RANBP1: variants seen among roughly 807,000 people sequenced by gnomAD.
The protein encoded by RANBP1 is RAN binding protein 1.
Under a neutral mutation model 31.4 loss-of-function variants are expected in RANBP1, and 16 were observed. The observed-to-expected ratio is 0.51, with a 90% CI of 0.34 to 0.77. RANBP1 has a LOEUF of 0.77. Ranked by LOEUF, RANBP1 falls within the 30% of genes least tolerant of loss-of-function variation. The probability of loss-of-function intolerance (pLI) is 0.01; values close to 1 mark genes in which losing one functional copy is unlikely to be tolerated. For synonymous variants in RANBP1, 129 were observed against 140.5 expected (o/e 0.92, Z 0.58); for missense variants, 265 against 362.0 (o/e 0.73, Z 2.17).
At position 20,116,111 on chromosome 22, in the gene RANBP1, A is replaced by G. The variant is rs1234229598; in HGVS notation, c.-74A>G. ...AGCTGCTCAGCATAGGGCACTGTCC[A>G]TAGAGGGGTCACCACGTCGGCCACT... On this transcript the variant is annotated 5_prime_UTR_variant, in exon 1 of 6. Coordinates refer to ENST00000430524, the MANE Select transcript of RANBP1 (RefSeq NM_001278639.2). 3 of 1,612,094 alleles carry G rather than the reference A, an allele frequency of 1.9e-6. No homozygotes were observed. Among genetic ancestry groups the G allele is most frequent in the African/African-American group, 1.3e-5 (1 of 75,056 alleles).
intron 2 of RANBP1, among the ~76,000 whole-genome samples, chr22:20,119,795 G>A (rs541009395): frequency 6.6e-6 from 1 of 152,300 alleles, no homozygotes; most frequent in Admixed American, 6.5e-5. Context: ...GATTACAGGC[G>A]TCAGCTACCG....
intron 1 of RANBP1, chr22:20,117,516 G>C (rs2050063377): frequency 3.8e-6 from 5 of 1,325,370 alleles, no homozygotes; most frequent in Non-Finnish European, 4.8e-6. Context: ...TTCGGGTCGT[G>C]GGGCGGAGGG....
At chr22:20,122,673 G>T (rs142893666) in intron 3 of RANBP1, 2 of 1,457,868 alleles carry the variant, frequency 1.4e-6, no homozygotes, top group Non-Finnish European at 1.8e-6. Flanking sequence ...AGGACGCAGC[G>T]CCCAGGCTGG....
At chr22:20,119,233 T>C in intron 2 of RANBP1, 84 bp downstream of exon 2, 2 of 1,339,338 alleles carry the variant, frequency 1.5e-6, no homozygotes, top group Non-Finnish European at 2.1e-6. Context: ...GGCCTGACTT[T>C]TAATCAGACT....
chr22:20,122,762 T>TGTGTGTGTGG (rs1568982577), intron 3 of RANBP1: 3 of 644,248 alleles, frequency 4.7e-6, no homozygotes, highest in South Asian at 9.5e-5. Flanking sequence ...TGTGTGTGTG[T>TGTGTGTGTGG]GGTGTCTGGG....
At chr22:20,119,242 C>G (rs1254810481) in intron 2 of RANBP1, 93 bp downstream of exon 2, 1 of 1,246,878 alleles carries the variant, frequency 8.0e-7, no homozygotes, top group South Asian at 1.4e-5. Context: ...TTTAATCAGA[C>G]TGAGGCTGCT....
intron 1 of RANBP1, chr22:20,117,737 C>T (rs1228012763): frequency 3.4e-5 from 37 of 1,088,090 alleles, no homozygotes; most frequent in African/African-American, 8.4e-5. Context: ...ACGTGGGCGG[C>T]CCGCGCCGCC....
At chr22:20,118,657 G>C (rs2050105853) in intron 1 of RANBP1, among the ~76,000 whole-genome samples, 1 of 152,222 alleles carries the variant, frequency 6.6e-6, no homozygotes, top group South Asian at 2.1e-4. Context: ...TTTTATGGAT[G>C]AGGAAGAAAC....
intron 5 of RANBP1, 157 bp downstream of exon 5, chr22:20,126,525 G>A (rs1338868970): frequency 1.3e-6 from 2 of 1,582,666 alleles, no homozygotes; most frequent in South Asian, 2.3e-5. Context: ...GGGGACACAG[G>A]TGCTTCCTGG....
At chr22:20,117,221 C>A (rs1370964051) in intron 1 of RANBP1, 2 of 537,864 alleles carry the variant, frequency 3.7e-6, no homozygotes, top group East Asian at 7.3e-5. Flanking sequence ...GGCCGAGCGT[C>A]TCTATGATCC....
At chr22:20,117,572 G>A in intron 1 of RANBP1, 1 of 1,410,322 alleles carries the variant, frequency 7.1e-7, no homozygotes, top group Non-Finnish European at 9.2e-7. Context: ...CGGAGGGAAG[G>A]AGCTACGAGT....
Position 20,126,388 on chromosome 22 carries a change from T to A in RANBP1, c.736+20T>A. On this transcript the variant is annotated intron_variant, in intron 5 of 5. Coordinates refer to ENST00000430524, the MANE Select transcript of RANBP1 (RefSeq NM_001278639.2). Reference sequence around the variant, plus strand: ...AGAAAGGTGACGTGGTGCCATGGGTTGGGGGGCTTCTTTGCAGACTCACTC... The same window carrying A: ...AGAAAGGTGACGTGGTGCCATGGGTAGGGGGGCTTCTTTGCAGACTCACTC... 1 of 1,613,868 alleles carries A rather than the reference T, an allele frequency of 6.2e-7. No individual in the cohort carries two copies. The highest frequency in any genetic ancestry group is 1.3e-5 in the African/African-American group (1 of 75,022).
At chr22:20,117,849 G>T (rs756201278) in intron 1 of RANBP1, 389 of 1,019,810 alleles carry the variant, frequency 3.8e-4, no homozygotes, top group Non-Finnish European at 4.4e-4. Context: ...TGCGGAGTTG[G>T]GGCGTTTGGG....
At position 20,125,494 on chromosome 22, in the gene RANBP1, G is replaced by T. The variant is rs889868499; in HGVS notation, c.670+58G>T. On this transcript the variant is annotated intron_variant, in intron 4 of 5. Transcript: ENST00000430524. ...TGGGGCTCACCTGCGTGGCAGCGTG[G>T]CGGGTTATGTGCAACAAATGCTGTT... 1.9e-6 allele frequency: 3 copies of T among 1,556,390 alleles called. No homozygotes were observed. In the Admixed American group the frequency reaches 5.8e-5, roughly 30 times the overall value.
chr22:20,123,089 T>C (rs1389744908), intron 3 of RANBP1, among the ~76,000 whole-genome samples: 1 of 92,566 alleles, frequency 1.1e-5, no homozygotes, highest in Non-Finnish European at 2.1e-5. Context: ...GTTTGGGGTG[T>C]GTATGTGGTG....
chr22:20,122,355 G>A lies in RANBP1; in HGVS notation c.475G>A (p.Glu159Lys). ...TGACGTCAAGCTCCTGAAGCACAAG[G>A]AGAAAGGGGCCATCCGCCTCCTCAT... ...TGDVKLLKHK[E>K]KGAIRLLMRR... Residue 159 changes from glutamate (E) to lysine (K), a missense_variant, in exon 3 of 6, where the codon GAG (glutamate) becomes AAG (lysine). Transcript: ENST00000430524. 1 of 1,613,188 alleles carries A rather than the reference G, an allele frequency of 6.2e-7. No individual in the cohort carries two copies. The highest frequency in any genetic ancestry group is 8.5e-7 in the Non-Finnish European group (1 of 1,179,994).
At chr22:20,122,803 TGGG>T (rs1429265064) in intron 3 of RANBP1, 41 of 2,468 alleles carry the variant, frequency 0.017, 1 homozygote, top group Non-Finnish European at 0.024. Flanking sequence ...GGGGGGTTAA[TGGG>T]GGGTATGTGT....
intron 2 of RANBP1, among the ~76,000 whole-genome samples, chr22:20,120,443 A>G (rs943693360): frequency 2.6e-5 from 4 of 151,706 alleles, no homozygotes; most frequent in Admixed American, 6.6e-5. Context: ...TTCCTGAGGG[A>G]GGTGAGGCCA....
rs771197819 is a variant in RANBP1 at position 20,122,724 on chromosome 22, T to C, written c.541+303T>C. On this transcript the variant is annotated intron_variant, in intron 3 of 5. Coordinates refer to ENST00000430524, the MANE Select transcript of RANBP1 (RefSeq NM_001278639.2). ...TGAGTGCTGCAGGGCGAGGGGGTGC[T>C]GTGTGTGTGTGTGTGTGTGTGTGTG... 96 of 581,822 alleles carry C rather than the reference T, an allele frequency of 1.6e-4. No individual in the cohort carries two copies. The South Asian group carries it at 3.1e-3, about 19-fold the overall frequency. The allele number at this position is 581,822 out of a possible 1,614,324, so 36.0% of individuals were successfully genotyped here. A position where few individuals can be genotyped will look rare whatever the true frequency, so the allele number is the denominator to read the frequency against.
Sources: allele counts gnomAD v4.1 joint callset (sites outside exome capture counted in the v4.1 genomes callset), GRCh38; gene constraint gnomAD v4.1.1; transcripts MANE v1.5; gene names NCBI Gene and HGNC (gene_info 2026-07-23, HGNC 2026-07-21).